The following NRXN3 variants were observed in gnomAD, a reference collection of about 807,000 sequenced individuals.
The protein encoded by NRXN3 is neurexin 3.
In NRXN3, 32 loss-of-function variants were observed where a neutral mutation model predicts 137.6. The ratio of observed to expected loss-of-function variants is 0.23; its 90% CI spans 0.18 to 0.31. The LOEUF (loss-of-function observed/expected upper bound fraction) is 0.31. Ranked by LOEUF, NRXN3 falls within the 10% of genes least tolerant of loss-of-function variation. The pLI, the probability that NRXN3 is intolerant of heterozygous loss-of-function variation, is 1.00. For missense variants in NRXN3, 1,574 were observed against 2,062.5 expected (o/e 0.76, Z 4.59); for synonymous variants, 798 against 784.5 (o/e 1.02, Z -0.29).
intron 1 of NRXN3, among the ~76,000 whole-genome samples, chr14:78,233,688 C>CAA (rs10673907): frequency 0.19 from 21,748 of 117,454 alleles, 2,155 homozygotes; most frequent in East Asian, 0.27. Context: ...AAGTATGCTT[C>CAA]AAAAAAAAAA....
chr14:78,428,561 A>G (rs2093749066), intron 4 of NRXN3, among the ~76,000 whole-genome samples: 1 of 152,192 alleles, frequency 6.6e-6, no homozygotes, highest in Non-Finnish European at 1.5e-5. Context: ...GGAGAGAGAC[A>G]GTGAGAGAGG....
chr14:79,855,474 G>T (rs930473808), intron 20 of NRXN3, among the ~76,000 whole-genome samples: 2 of 152,082 alleles, frequency 1.3e-5, no homozygotes, highest in East Asian at 3.9e-4. Flanking sequence ...CTAAAACTTA[G>T]AACTTCCTAA....
intron 3 of NRXN3, among the ~76,000 whole-genome samples, chr14:78,290,358 A>T (rs2075677483): frequency 6.6e-6 from 1 of 152,202 alleles, no homozygotes. Flanking sequence ...ATGTCTTCAG[A>T]CACATCATTG....
chr14:79,041,254 T>C (rs940682161), intron 15 of NRXN3, among the ~76,000 whole-genome samples: 2 of 152,198 alleles, frequency 1.3e-5, no homozygotes, highest in African/African-American at 4.8e-5. Flanking sequence ...TAATAATCCA[T>C]AGTTCAGAAA....
intron 10 of NRXN3, among the ~76,000 whole-genome samples, chr14:78,872,567 A>T (rs2099104127): frequency 6.6e-6 from 1 of 151,854 alleles, no homozygotes. Flanking sequence ...GTTTGTTGTC[A>T]CTTAATAATA....
chr14:79,326,493 G>T (rs2090895894), intron 15 of NRXN3, among the ~76,000 whole-genome samples: 1 of 152,150 alleles, frequency 6.6e-6, no homozygotes. Flanking sequence ...TTCTCCTTAT[G>T]CTGTGTCATT....
At chr14:79,359,382 G>A (rs1424598937) in intron 15 of NRXN3, among the ~76,000 whole-genome samples, 5 of 152,136 alleles carry the variant, frequency 3.3e-5, no homozygotes. Flanking sequence ...GGTACAGAAT[G>A]TGGGAAAGTA....
intron 4 of NRXN3, among the ~76,000 whole-genome samples, chr14:78,344,094 C>T (rs773053194): frequency 4.6e-5 from 7 of 152,166 alleles, no homozygotes; most frequent in Non-Finnish European, 1.0e-4. Context: ...TATCCAGGGT[C>T]GAGAAGCACA....
intron 19 of NRXN3, among the ~76,000 whole-genome samples, chr14:79,745,059 T>G (rs1010863326): frequency 6.6e-6 from 1 of 151,816 alleles, no homozygotes; most frequent in African/African-American, 2.4e-5. Context: ...CACATTGTTT[T>G]TAGCTAACTC....
intron 20 of NRXN3, among the ~76,000 whole-genome samples, chr14:79,806,727 T>C (rs918993218): frequency 4.6e-5 from 7 of 151,008 alleles, no homozygotes; most frequent in African/African-American, 9.7e-5. Flanking sequence ...CTGTTTTTTT[T>C]TTTTAAGAAA....
At chr14:78,540,118 T>C (rs928684847) in intron 4 of NRXN3, among the ~76,000 whole-genome samples, 1 of 152,216 alleles carries the variant, frequency 6.6e-6, no homozygotes, top group East Asian at 1.9e-4. Flanking sequence ...AGATGTCTAT[T>C]AGTTCTGCTT....
chr14:78,583,297 TA>T (rs2097023122), intron 4 of NRXN3, among the ~76,000 whole-genome samples: 1 of 152,068 alleles, frequency 6.6e-6, no homozygotes, highest in Admixed American at 6.5e-5. Flanking sequence ...ACTAAAATAT[TA>T]AATGTGAGGA....
chr14:78,481,166 A>C (rs2095467662), intron 4 of NRXN3, among the ~76,000 whole-genome samples: 1 of 152,212 alleles, frequency 6.6e-6, no homozygotes, highest in Non-Finnish European at 1.5e-5. Flanking sequence ...TTTTTAACTA[A>C]AACTCAGAGT....
chr14:78,187,781 G>GTTTTTTTT (rs58649555), intron 1 of NRXN3, among the ~76,000 whole-genome samples: 3 of 133,740 alleles, frequency 2.2e-5, no homozygotes, highest in Non-Finnish European at 1.6e-5. Flanking sequence ...GATTTTAGTT[G>GTTTTTTTT]TTTTTTTTTT....
intron 16 of NRXN3, among the ~76,000 whole-genome samples, chr14:79,502,465 AAAC>A (rs1237648747): frequency 6.6e-6 from 1 of 152,086 alleles, no homozygotes; most frequent in Admixed American, 6.5e-5. Context: ...TCATAAGAAA[AAAC>A]AAGAGAAACT....
intron 4 of NRXN3, among the ~76,000 whole-genome samples, chr14:78,547,132 T>C (rs1255661783): frequency 6.6e-6 from 1 of 152,224 alleles, no homozygotes; most frequent in Non-Finnish European, 1.5e-5. Flanking sequence ...CCTAGCATTT[T>C]TTGTTGAGTT....
chr14:79,110,669 A>G (rs996364635), intron 15 of NRXN3, among the ~76,000 whole-genome samples: 6 of 152,284 alleles, frequency 3.9e-5, no homozygotes, highest in Non-Finnish European at 7.4e-5. Flanking sequence ...TCATTGTTCT[A>G]TAGTTATGTA....
intron 16 of NRXN3, among the ~76,000 whole-genome samples, chr14:79,620,785 T>C (rs2098215475): frequency 1.3e-5 from 2 of 151,980 alleles, no homozygotes; most frequent in Admixed American, 6.6e-5. Flanking sequence ...AAAGGCCAAG[T>C]AAGAGGTAGA....
At chr14:78,980,197 C>A (rs888334274) in intron 14 of NRXN3, among the ~76,000 whole-genome samples, 2 of 152,216 alleles carry the variant, frequency 1.3e-5, no homozygotes, top group Admixed American at 1.3e-4. Context: ...GTCCCCACTC[C>A]TGGGTCACCA....
Sources: allele counts gnomAD v4.1 joint callset (sites outside exome capture counted in the v4.1 genomes callset), GRCh38; gene constraint gnomAD v4.1.1; transcripts MANE v1.5; gene names NCBI Gene and HGNC (gene_info 2026-07-23, HGNC 2026-07-21).